The following FRAS1 variants were observed in gnomAD, a reference collection of about 807,000 sequenced individuals.
FRAS1 encodes Fraser extracellular matrix complex subunit 1.
FRAS1 carries 290 observed loss-of-function variants against 435.2 expected under a neutral mutation model. The observed-to-expected ratio is 0.67, with a 90% CI of 0.61 to 0.73. FRAS1 has a LOEUF of 0.73. Ranked by LOEUF, FRAS1 falls within the 30% of genes least tolerant of loss-of-function variation. FRAS1 has a pLI of 0.00. For missense variants in FRAS1, 4,860 were observed against 5,001.5 expected (o/e 0.97, Z 0.85); for synonymous variants, 1,800 against 1,851.0 (o/e 0.97, Z 0.71).
intron 2 of FRAS1, among the ~76,000 whole-genome samples, chr4:78,119,547 T>C (rs1273945954): frequency 6.6e-6 from 1 of 152,192 alleles, no homozygotes; most frequent in Non-Finnish European, 1.5e-5. Flanking sequence ...TTAATAGTAT[T>C]CCATGGTCTA....
At chr4:78,126,191 A>C (rs1719346724) in intron 2 of FRAS1, among the ~76,000 whole-genome samples, 1 of 152,160 alleles carries the variant, frequency 6.6e-6, no homozygotes, top group Admixed American at 6.5e-5. Context: ...CTCCGTGAGC[A>C]TGGGACCCAC....
chr4:78,104,162 A>G (rs1742273882), intron 2 of FRAS1, among the ~76,000 whole-genome samples: 2 of 152,246 alleles, frequency 1.3e-5, no homozygotes, highest in African/African-American at 4.8e-5. Flanking sequence ...TTGGCACTCA[A>G]CACAAGGCAA....
chr4:78,446,262 G>A, intron 42 of FRAS1: 1 of 1,006,578 alleles, frequency 9.9e-7, no homozygotes, highest in Non-Finnish European at 1.2e-6. Context: ...CACTCTTAAG[G>A]GTCAGTGGTG....
At chr4:78,380,846 G>A (rs971742865) in intron 27 of FRAS1, among the ~76,000 whole-genome samples, 20 of 152,192 alleles carry the variant, frequency 1.3e-4, no homozygotes, top group African/African-American at 4.8e-4. Context: ...GAGGAGAAAA[G>A]TAGATGGCAC....
At chr4:78,530,165 G>A (rs915568148) in intron 70 of FRAS1, among the ~76,000 whole-genome samples, 18 of 151,642 alleles carry the variant, frequency 1.2e-4, no homozygotes, top group Admixed American at 1.1e-3. Context: ...TATATATCTC[G>A]GTGCACATGT....
intron 2 of FRAS1, among the ~76,000 whole-genome samples, chr4:78,095,566 T>G (rs932175192): frequency 2.0e-5 from 3 of 151,004 alleles, no homozygotes; most frequent in African/African-American, 7.3e-5. Context: ...GAAAAAGAGG[T>G]TTTAATGGAC....
intron 61 of FRAS1, among the ~76,000 whole-genome samples, chr4:78,503,302 T>C (rs1271835173): frequency 6.6e-6 from 1 of 152,240 alleles, no homozygotes; most frequent in Non-Finnish European, 1.5e-5. Flanking sequence ...CAGCTCTTCT[T>C]TGTACCTCTG....
At chr4:78,143,202 A>G (rs1720264809) in intron 2 of FRAS1, among the ~76,000 whole-genome samples, 1 of 152,200 alleles carries the variant, frequency 6.6e-6, no homozygotes, top group African/African-American at 2.4e-5. Flanking sequence ...AAGAAAGCCA[A>G]TATAGCTATG....
At chr4:78,421,419 A>G (rs1338716376) in intron 33 of FRAS1, among the ~76,000 whole-genome samples, 1 of 152,102 alleles carries the variant, frequency 6.6e-6, no homozygotes, top group East Asian at 1.9e-4. Flanking sequence ...AAGTGTTGGG[A>G]TTATGGGCAT....
intron 7 of FRAS1, among the ~76,000 whole-genome samples, chr4:78,265,695 C>G (rs563005539): frequency 6.6e-6 from 1 of 152,206 alleles, no homozygotes; most frequent in African/African-American, 2.4e-5. Context: ...AGTGAATGTT[C>G]TGTCTTGGGA....
intron 18 of FRAS1, among the ~76,000 whole-genome samples, chr4:78,322,718 G>C (rs1474892289): frequency 6.6e-6 from 1 of 152,056 alleles, no homozygotes; most frequent in Non-Finnish European, 1.5e-5. Flanking sequence ...GTGATGAGAG[G>C]ACAAAAAAAT....
At chr4:78,507,901 G>C (rs886739899) in intron 62 of FRAS1, among the ~76,000 whole-genome samples, 4 of 152,108 alleles carry the variant, frequency 2.6e-5, no homozygotes, top group African/African-American at 9.7e-5. Flanking sequence ...TAATTATTTG[G>C]CACAAATGTC....
chr4:78,450,220 T>C lies in FRAS1; in HGVS notation c.6344T>C (p.Met2115Thr), dbSNP rs932863411. Reference protein sequence around the residue: ...TDIDSDDHQVMYIMKEDPGAG... With the variant: ...TDIDSDDHQVTYIMKEDPGAG... ...ATTGACTCAGATGACCATCAGGTTA[T>C]GTACATCATGAAGGAAGATCCTGGT... Residue 2115 changes from methionine (M) to threonine (T), a missense_variant, in exon 45 of 74, where the codon ATG becomes ACG. Coordinates refer to ENST00000512123, the MANE Select transcript of FRAS1 (RefSeq NM_025074.7). 10 of 1,613,794 alleles carry C rather than the reference T, an allele frequency of 6.2e-6. No individual in the cohort carries two copies. The highest frequency in any genetic ancestry group is 2.7e-5 in the African/African-American group (2 of 75,018).
chr4:78,536,505 C>A (rs1578379821), intron 71 of FRAS1, among the ~76,000 whole-genome samples: 2 of 152,122 alleles, frequency 1.3e-5, no homozygotes, highest in East Asian at 3.8e-4. Flanking sequence ...TGCTTTGTGA[C>A]CTTCAGCAAA....
At chr4:78,538,953 TAA>T (rs10545506) in intron 72 of FRAS1, among the ~76,000 whole-genome samples, 86,408 of 133,692 alleles carry the variant, frequency 0.65, 27,607 homozygotes, top group East Asian at 0.85. Context: ...AGACTCCATC[TAA>T]AAAAAAAAAA....
intron 19 of FRAS1, among the ~76,000 whole-genome samples, chr4:78,337,045 A>C (rs13117116): frequency 0.37 from 56,369 of 151,876 alleles, 12,261 homozygotes; most frequent in Non-Finnish European, 0.48. Context: ...TAGCTTTGGC[A>C]TAACTTTGTC....
At chr4:78,273,131 T>A (rs1168058183) in intron 9 of FRAS1, among the ~76,000 whole-genome samples, 1 of 152,220 alleles carries the variant, frequency 6.6e-6, no homozygotes, top group African/African-American at 2.4e-5. Flanking sequence ...TATTGGTGTA[T>A]AAGAATGCTT....
chr4:78,214,101 T>A (rs1162763857), intron 2 of FRAS1, among the ~76,000 whole-genome samples: 1 of 152,218 alleles, frequency 6.6e-6, no homozygotes, highest in Non-Finnish European at 1.5e-5. Flanking sequence ...TGGCTCCTTT[T>A]ATAGACTGGA....
intron 45 of FRAS1, 76 bp from the exon 46 acceptor site, chr4:78,451,696 G>A (rs1228385275): frequency 1.8e-5 from 23 of 1,257,348 alleles, no homozygotes; most frequent in Non-Finnish European, 2.3e-5. Context: ...AACACCAATT[G>A]AATTCACACC....
Sources: allele counts gnomAD v4.1 joint callset (sites outside exome capture counted in the v4.1 genomes callset), GRCh38; gene constraint gnomAD v4.1.1; transcripts MANE v1.5; gene names NCBI Gene and HGNC (gene_info 2026-07-23, HGNC 2026-07-21).